CCDC91: variants seen among roughly 807,000 people sequenced by gnomAD.
CCDC91 encodes coiled-coil domain-containing protein 91.
Under a neutral mutation model 63.2 loss-of-function variants are expected in CCDC91, and 48 were observed. The ratio of observed to expected loss-of-function variants is 0.76; its 90% CI spans 0.60 to 0.97. The LOEUF (loss-of-function observed/expected upper bound fraction) is 0.97. CCDC91 is among the 50% of genes least tolerant of loss of function. The pLI is 0.00. For synonymous variants in CCDC91, 167 were observed against 165.8 expected (o/e 1.01, Z -0.06); for missense variants, 500 against 494.6 (o/e 1.01, Z -0.10).
intron 6 of CCDC91, among the ~76,000 whole-genome samples, chr12:28,353,108 C>T (rs1209617130): frequency 6.6e-6 from 1 of 152,188 alleles, no homozygotes; most frequent in Non-Finnish European, 1.5e-5. Flanking sequence ...ACATTTTTAT[C>T]TTATGGAGAT....
At chr12:28,483,843 C>G (rs1951573187) in intron 11 of CCDC91, among the ~76,000 whole-genome samples, 1 of 152,096 alleles carries the variant, frequency 6.6e-6, no homozygotes, top group Non-Finnish European at 1.5e-5. Flanking sequence ...ATATTCCGTT[C>G]CTTTCCTTTC....
At chr12:28,406,942 A>G (rs889913431) in intron 8 of CCDC91, among the ~76,000 whole-genome samples, 1 of 152,080 alleles carries the variant, frequency 6.6e-6, no homozygotes, top group African/African-American at 2.4e-5. Context: ...TGTTGAATTT[A>G]AATTCCCAGT....
Position 28,305,642 on chromosome 12 carries a change from T to G in CCDC91, c.110-7T>G. ...CTATCCTTTTTGTTGTTGTTGTTTT[T>G]CTTTAGTATCTGGAGTCCATCTTTC... On this transcript the variant is annotated splice_polypyrimidine_tract_variant and splice_region_variant and intron_variant, in intron 3 of 12. Coordinates refer to ENST00000536442, the MANE Select transcript of CCDC91 (RefSeq NM_018318.5). 6.2e-7 allele frequency: 1 copy of G among 1,608,416 alleles called. No homozygotes were observed. The highest frequency in any genetic ancestry group is 8.5e-7 in the Non-Finnish European group (1 of 1,177,238).
intron 12 of CCDC91, among the ~76,000 whole-genome samples, chr12:28,534,764 A>G (rs1458033610): frequency 6.6e-6 from 1 of 152,180 alleles, no homozygotes; most frequent in Admixed American, 6.5e-5. Flanking sequence ...CTCTAATGCT[A>G]TATTTGAGAA....
intron 12 of CCDC91, among the ~76,000 whole-genome samples, chr12:28,501,939 G>T (rs376860010): frequency 2.6e-5 from 4 of 151,860 alleles, no homozygotes; most frequent in Non-Finnish European, 1.5e-5. Context: ...TCTTGGGAGG[G>T]TGTATGTGTC....
intron 12 of CCDC91, among the ~76,000 whole-genome samples, chr12:28,524,296 C>T (rs1941052310): frequency 6.6e-6 from 1 of 152,034 alleles, no homozygotes; most frequent in African/African-American, 2.4e-5. Context: ...AGGCATGTCC[C>T]TTGTATGCCA....
intron 1 of CCDC91, among the ~76,000 whole-genome samples, chr12:28,197,848 G>C (rs995025686): frequency 5.9e-5 from 9 of 152,028 alleles, no homozygotes; most frequent in Admixed American, 5.9e-4. Flanking sequence ...ATTATTGTTG[G>C]CTATATGCCA....
chr12:28,203,772 C>A (rs1292907521), intron 1 of CCDC91, among the ~76,000 whole-genome samples: 2 of 152,024 alleles, frequency 1.3e-5, no homozygotes, highest in African/African-American at 4.8e-5. Flanking sequence ...ACATTATTAG[C>A]CATTATGTAA....
intron 12 of CCDC91, among the ~76,000 whole-genome samples, chr12:28,512,015 C>T (rs951387881): frequency 6.6e-6 from 1 of 151,828 alleles, no homozygotes; most frequent in African/African-American, 2.4e-5. Context: ...ATGTATATGA[C>T]TAGATGGATT....
At chr12:28,321,214 C>T (rs1316897038) in intron 6 of CCDC91, among the ~76,000 whole-genome samples, 2 of 151,618 alleles carry the variant, frequency 1.3e-5, no homozygotes, top group Non-Finnish European at 2.9e-5. Flanking sequence ...TTTTTCTGAC[C>T]CTTCTGGTTA....
At chr12:28,193,257 C>G (rs555251012) in intron 1 of CCDC91, among the ~76,000 whole-genome samples, 13 of 152,204 alleles carry the variant, frequency 8.5e-5, no homozygotes, top group African/African-American at 3.1e-4. Context: ...CTTTTGGTTA[C>G]ACATCTAGGA....
At chr12:28,443,359 C>T (rs1381156838) in intron 8 of CCDC91, among the ~76,000 whole-genome samples, 3 of 151,940 alleles carry the variant, frequency 2.0e-5, no homozygotes, top group Non-Finnish European at 4.4e-5. Context: ...AATATTTCAA[C>T]AGACTTCTGA....
chr12:28,293,931 A>G (rs1949398092), intron 3 of CCDC91, among the ~76,000 whole-genome samples: 1 of 151,944 alleles, frequency 6.6e-6, no homozygotes, highest in Non-Finnish European at 1.5e-5. Context: ...TTGTTTTTTT[A>G]ACTACTGGAA....
chr12:28,215,911 C>A (rs2135576289), intron 1 of CCDC91, among the ~76,000 whole-genome samples: 1 of 152,138 alleles, frequency 6.6e-6, no homozygotes. Context: ...CTGTTGAGGG[C>A]TAAAATGTTA....
At chr12:28,210,855 C>T (rs1010922073) in intron 1 of CCDC91, among the ~76,000 whole-genome samples, 4 of 151,824 alleles carry the variant, frequency 2.6e-5, no homozygotes, top group Admixed American at 6.6e-5. Context: ...ATTGTGATGG[C>T]AGAGACTGAG....
intron 6 of CCDC91, among the ~76,000 whole-genome samples, chr12:28,351,046 C>T (rs1414928972): frequency 6.6e-6 from 1 of 152,178 alleles, no homozygotes; most frequent in East Asian, 1.9e-4. Flanking sequence ...CACAAAATTC[C>T]TGTCCCTCAC....
chr12:28,494,895 A>G (rs761037374), intron 12 of CCDC91, among the ~76,000 whole-genome samples: 30 of 151,716 alleles, frequency 2.0e-4, no homozygotes, highest in Admixed American at 2.6e-4. Context: ...CTTATAAATC[A>G]CTTCCTCCAA....
At chr12:28,201,071 G>A (rs1473042148) in intron 1 of CCDC91, among the ~76,000 whole-genome samples, 1 of 150,136 alleles carries the variant, frequency 6.7e-6, no homozygotes, top group Non-Finnish European at 1.5e-5. Context: ...TCCCAGTAGA[G>A]GCGGCAGGGC....
intron 1 of CCDC91, among the ~76,000 whole-genome samples, chr12:28,229,790 G>A (rs781386729): frequency 6.6e-6 from 1 of 151,828 alleles, no homozygotes; most frequent in Non-Finnish European, 1.5e-5. Flanking sequence ...ACATATTTTG[G>A]TTTTTTTAGC....
Sources: gnomAD v4.1 joint callset for allele counts (sites outside exome capture counted in the v4.1 genomes callset) on GRCh38, gnomAD v4.1.1 for gene constraint, MANE v1.5 for transcripts, NCBI Gene and HGNC (gene_info 2026-07-23, HGNC 2026-07-21) for gene names.